The following GPC6 variants were observed in gnomAD, a reference collection of about 807,000 sequenced individuals.
GPC6 encodes glypican-6.
Under a neutral mutation model 55.2 loss-of-function variants are expected in GPC6, and 14 were observed. The ratio of observed to expected loss-of-function variants is 0.25; its 90% CI spans 0.17 to 0.40. The LOEUF (loss-of-function observed/expected upper bound fraction) is 0.40. Among genes scored for constraint, GPC6 ranks in the 10% least tolerant of loss-of-function variants. The probability of loss-of-function intolerance (pLI) is 1.00; values close to 1 mark genes in which losing one functional copy is unlikely to be tolerated. For missense variants in GPC6, 641 were observed against 708.5 expected (o/e 0.90, Z 1.08); for synonymous variants, 278 against 259.6 (o/e 1.07, Z -0.68).
chr13:93,337,757 C>G (rs1288077977), intron 1 of GPC6, among the ~76,000 whole-genome samples: 1 of 152,162 alleles, frequency 6.6e-6, no homozygotes. Flanking sequence ...AGAACGAATT[C>G]TTTTATAAAT....
chr13:93,622,025 C>T (rs1488114401), intron 2 of GPC6, among the ~76,000 whole-genome samples: 3 of 152,158 alleles, frequency 2.0e-5, no homozygotes, highest in African/African-American at 7.2e-5. Flanking sequence ...GCCACCCAGA[C>T]ACCCTTCCCA....
chr13:93,639,984 A>G (rs1305115317), intron 2 of GPC6, among the ~76,000 whole-genome samples: 2 of 152,118 alleles, frequency 1.3e-5, no homozygotes, highest in African/African-American at 4.8e-5. Context: ...ATATCTGAAA[A>G]TGTCATTTAT....
rs146743160 is a variant in GPC6, at chr13:94,067,356, G to A, written c.877+39462G>A. Among the ~76,000 whole-genome samples, 507 of 152,226 alleles carry A rather than the reference G, an allele frequency of 3.3e-3. 6 individuals are homozygous for A. The highest frequency in any genetic ancestry group is 0.012 in the African/African-American group (494 of 41,548). ...AAGCAAAGATATTTGATCAAGATAC[G>A]TGAAAGAATTGAAGCTAGAATCCAC... is the stretch of plus-strand genomic sequence containing the variant. On this transcript the variant is annotated intron_variant, in intron 4 of 8. Transcript: ENST00000377047.
intron 4 of GPC6, among the ~76,000 whole-genome samples, chr13:94,180,647 T>G (rs568909088): frequency 2.0e-4 from 30 of 152,308 alleles, no homozygotes; most frequent in African/African-American, 7.0e-4. Context: ...TTATTTGTCC[T>G]TAGCAATTTT....
chr13:93,597,464 C>T (rs1877812120), intron 2 of GPC6, among the ~76,000 whole-genome samples: 1 of 152,160 alleles, frequency 6.6e-6, no homozygotes, highest in Non-Finnish European at 1.5e-5. Context: ...CTGACTGGAA[C>T]CTGGGCCCCC....
At chr13:93,724,696 A>G (rs1001950663) in intron 2 of GPC6, among the ~76,000 whole-genome samples, 1 of 151,934 alleles carries the variant, frequency 6.6e-6, no homozygotes, top group Non-Finnish European at 1.5e-5. Flanking sequence ...ATTATGTTGT[A>G]TTTCTTTTCC....
chr13:93,612,042 G>T (rs1173476932), intron 2 of GPC6, among the ~76,000 whole-genome samples: 1 of 152,178 alleles, frequency 6.6e-6, no homozygotes, highest in African/African-American at 2.4e-5. Flanking sequence ...AAACTGCTTA[G>T]TAAGGATACT....
intron 4 of GPC6, among the ~76,000 whole-genome samples, chr13:94,046,370 C>A (rs1307210019): frequency 6.6e-6 from 1 of 152,004 alleles, no homozygotes; most frequent in African/African-American, 2.4e-5. Flanking sequence ...TACCAGCAGT[C>A]AACACTCTGA....
At chr13:93,960,100 T>C (rs1275958678) in intron 3 of GPC6, among the ~76,000 whole-genome samples, 1 of 152,200 alleles carries the variant, frequency 6.6e-6, no homozygotes, top group East Asian at 1.9e-4. Flanking sequence ...TACTGATCTC[T>C]TCAACTTCGA....
intron 4 of GPC6, among the ~76,000 whole-genome samples, chr13:94,130,550 G>A (rs1188745762): frequency 6.6e-6 from 1 of 152,138 alleles, no homozygotes; most frequent in Non-Finnish European, 1.5e-5. Context: ...CAAGAGGAAA[G>A]GAGAATGGGA....
intron 3 of GPC6, among the ~76,000 whole-genome samples, chr13:93,845,229 A>G (rs1167810703): frequency 6.6e-6 from 1 of 151,888 alleles, no homozygotes; most frequent in African/African-American, 2.4e-5. Flanking sequence ...AACACATGAA[A>G]AAATGCTCAT....
intron 1 of GPC6, among the ~76,000 whole-genome samples, chr13:93,248,019 C>T (rs938210907): frequency 6.6e-6 from 1 of 152,134 alleles, no homozygotes; most frequent in African/African-American, 2.4e-5. Context: ...GAATCAGTTA[C>T]TCGGCCTGGG....
intron 4 of GPC6, 83 bp downstream of exon 4, chr13:94,027,977 A>G (rs866114333): frequency 1.2e-5 from 15 of 1,243,222 alleles, no homozygotes; most frequent in Non-Finnish European, 1.5e-5. Flanking sequence ...GTCAGAAGTT[A>G]TAAGAAACCA....
chr13:93,847,802 TAG>T (rs1420838556), intron 3 of GPC6, among the ~76,000 whole-genome samples: 1 of 152,154 alleles, frequency 6.6e-6, no homozygotes, highest in Non-Finnish European at 1.5e-5. Flanking sequence ...TTTTGTAATA[TAG>T]AGAGTCAGAT....
chr13:93,473,044 C>T (rs1255786956), intron 1 of GPC6, among the ~76,000 whole-genome samples: 4 of 152,164 alleles, frequency 2.6e-5, no homozygotes, highest in Non-Finnish European at 5.9e-5. Flanking sequence ...CTTTTATGGG[C>T]CTCACATGGG....
rs140351291 is a variant in GPC6 at position 93,247,531 on chromosome 13, T to C, written c.160+19915T>C. ...TTACTACTCATTTCATGATATGGTA[T>C]CTTATTCAATATTCTTTCACAGACT... is the stretch of plus-strand genomic sequence containing the variant. On this transcript the variant is annotated intron_variant, in intron 1 of 8. Transcript: ENST00000377047. Among the ~76,000 whole-genome samples, 7 of 152,312 alleles carry C rather than the reference T, an allele frequency of 4.6e-5. No individual in the cohort carries two copies. In the East Asian group the frequency reaches 1.3e-3, roughly 29 times the overall value.
At chr13:93,777,280 A>T (rs1400454073) in intron 2 of GPC6, among the ~76,000 whole-genome samples, 1 of 152,070 alleles carries the variant, frequency 6.6e-6, no homozygotes, top group East Asian at 1.9e-4. Flanking sequence ...CTGTGTTCTT[A>T]TCTCTTCTAT....
rs140175001 is a variant in GPC6 at position 94,152,755 on chromosome 13, A to G, written c.877+124861A>G. On this transcript the variant is annotated intron_variant, in intron 4 of 8. Transcript: ENST00000377047. ...GGTATCAATCTGATTACCTAAGTGA[A>G]GAACAGTAATTTACCCTTAGGGGAA... is the stretch of plus-strand genomic sequence containing the variant. Among the ~76,000 whole-genome samples, 256 of 152,272 alleles carry G rather than the reference A, an allele frequency of 1.7e-3. 2 individuals are homozygous for G. Among genetic ancestry groups the G allele is most frequent in the African/African-American group, 6.0e-3 (249 of 41,558 alleles).
At chr13:94,039,125 C>T (rs1440055350) in intron 4 of GPC6, among the ~76,000 whole-genome samples, 1 of 151,950 alleles carries the variant, frequency 6.6e-6, no homozygotes, top group African/African-American at 2.4e-5. Context: ...TGTGAGAAAA[C>T]CAGCGCAGCT....
Sources: allele counts gnomAD v4.1 joint callset (sites outside exome capture counted in the v4.1 genomes callset), GRCh38; gene constraint gnomAD v4.1.1; transcripts MANE v1.5; gene names NCBI Gene and HGNC (gene_info 2026-07-23, HGNC 2026-07-21).